The following KDM5C variants were observed in gnomAD, a reference collection of about 807,000 sequenced individuals.
KDM5C encodes lysine-specific demethylase 5C.
KDM5C carries 16 observed loss-of-function variants against 110.6 expected under a neutral mutation model. The ratio of observed to expected loss-of-function variants is 0.14; its 90% confidence interval spans 0.10 to 0.22. The LOEUF (loss-of-function observed/expected upper bound fraction) is 0.22, where lower values mean the gene tolerates loss of function less well. Among genes scored for constraint, KDM5C ranks in the 10% least tolerant of loss-of-function variants. The pLI, the probability that KDM5C is intolerant of heterozygous loss-of-function variation, is 1.00. For missense variants in KDM5C, 681 were observed against 1,300.9 expected, an observed-to-expected ratio of 0.52 and a Z score of 7.33; for synonymous variants, 511 against 520.4, an observed-to-expected ratio of 0.98 and a Z score of 0.24.
chrX:53,190,224 T>G (rs781963452), downstream of KDM5C, among the ~76,000 whole-genome samples: 1 of 112,619 alleles, frequency 8.9e-6, no homozygotes, highest in South Asian at 3.7e-4. Context: ...TGGAAGAGGT[T>G]AGATTTGATC....
rs1253451272 is a variant in KDM5C at position 53,195,042 on chromosome X, G to A, written c.3327C>T (p.Gly1109=). 3 of 1,207,268 alleles carry A rather than the reference G, an allele frequency of 2.5e-6. No homozygotes were observed. The African/African-American group carries it at 5.2e-5, about 21-fold the overall frequency. ...ACCGGCTGCGCTTGGTGCTGTCTGAGCCGGCATCTGCACATGGGCAGAGAA... is the reference window on the plus strand; with the variant it reads ...ACCGGCTGCGCTTGGTGCTGTCTGAACCGGCATCTGCACATGGGCAGAGAA... ...LEVLCPCADA[G]SDSTKRSRWM... Residue 1109 remains glycine, a synonymous_variant, in exon 22 of 26, where the codon GGC becomes GGT. Transcript: ENST00000375401.
chrX:53,215,307 A>C, intron 7 of KDM5C: 1 of 318,010 alleles, frequency 3.1e-6, no homozygotes, highest in Middle Eastern at 4.6e-4. Flanking sequence ...CCTGAAGGCA[A>C]AACAAAACAT....
In KDM5C at chrX:53,215,886, A is replaced by G; in HGVS notation, c.872T>C (p.Phe291Ser). ...ACTCAGCTCCTCCTTGCTCTCCAGG[A>G]AGGTCTTAGGCGATGTTGACTCCAC... ...VKVESTSPKTFLESKEELSHS... is the reference protein window; with the variant it reads ...VKVESTSPKTSLESKEELSHS... Residue 291 changes from phenylalanine to serine, a missense_variant, in exon 7 of 26, where the codon TTC becomes TCC. By Grantham distance (155) the Phe-to-Ser change is radical (BLOSUM62 -2). Transcript: ENST00000375401. 8.3e-7 allele frequency: 1 copy of G among 1,211,209 alleles called. No homozygotes were observed.
downstream of KDM5C, among the ~76,000 whole-genome samples, chrX:53,187,765 C>T (rs782356588): frequency 3.7e-4 from 37 of 100,077 alleles, no homozygotes; most frequent in African/African-American, 1.3e-3. Context: ...AAATAATTTT[C>T]TTTTTTTTTT....
Position 53,207,264 on chromosome X carries a change from TTTAAC to T in KDM5C, c.1746+3145_1746+3149del, listed in dbSNP as rs782756254. ...GTAAAATTAAGTTAAATATATTTTA[TTTAAC>T]TTAACATATCCACAATATTACCATT... On this transcript the variant is annotated intron_variant, in intron 12 of 25. Transcript: ENST00000375401. Among the ~76,000 whole-genome samples the T allele has an allele frequency of 1.8e-3, 195 of 111,023 alleles. 1 individual carries two copies. Among genetic ancestry groups the T allele is most frequent in the Non-Finnish European group, 2.3e-3 (124 of 52,967 alleles).
In KDM5C at chrX:53,210,870, G is replaced by C; in HGVS notation, c.1402-13C>G. 1 of 1,202,127 alleles carries C rather than the reference G, an allele frequency of 8.3e-7. No individual in the cohort carries two copies. The highest frequency in any genetic ancestry group is 1.1e-6 in the Non-Finnish European group (1 of 886,801). On this transcript the variant is annotated splice_polypyrimidine_tract_variant and intron_variant, in intron 10 of 25. Coordinates refer to ENST00000375401, the MANE Select transcript of KDM5C (RefSeq NM_004187.5). ...TGGTAGCATACTCCTGCCAGGTCAG[G>C]TATTTGTAAAAAGGGCATGAGGGTT... is the stretch of plus-strand genomic sequence containing the variant.
At chrX:53,197,317 CTTTA>C (rs1267901672) in intron 18 of KDM5C, among the ~76,000 whole-genome samples, 2 of 111,556 alleles carry the variant, frequency 1.8e-5, no homozygotes, top group African/African-American at 3.3e-5. Context: ...TTAATCTATG[CTTTA>C]TTTAACTTTT....
Position 53,197,034 on chromosome X carries a change from T to C in KDM5C, c.2633A>G (p.Glu878Gly). 8.4e-7 allele frequency: 1 copy of C among 1,186,476 alleles called. No individual in the cohort carries two copies. ...HQIGDVKGVL[E>G]QVEAYQAEAR... is the part of the protein sequence containing the mutation. The stretch of plus-strand genomic sequence containing the variant: ...CTCAGCCTGGTAGGCCTCCACCTGT[T>C]CCAGAACACCCTACCAGGACACAGG... Residue 878 changes from glutamate (E) to glycine (G), a missense_variant, in exon 19 of 26, where the codon GAA becomes GGA. Physicochemically the swap from Glu to Gly is moderately conservative, Grantham distance 98. Around this residue, in one of 14 missense-constraint regions of KDM5C, gnomAD observed 123 missense variants for 169.0 expected, o/e 0.73. Coordinates refer to ENST00000375401, the MANE Select transcript of KDM5C (RefSeq NM_004187.5).
intron 3 of KDM5C, 36 bp downstream of exon 3, chrX:53,218,240 T>A (rs377218942): frequency 2.4e-5 from 29 of 1,208,541 alleles, no homozygotes; most frequent in Non-Finnish European, 3.0e-5. Context: ...TATTGGGGTT[T>A]GGTGGGAGGG....
intron 10 of KDM5C, among the ~76,000 whole-genome samples, 155 bp downstream of exon 10, chrX:53,211,342 G>A (rs1370824184): frequency 8.9e-6 from 1 of 112,148 alleles, no homozygotes; most frequent in Non-Finnish European, 1.9e-5. Context: ...GTACATGCCA[G>A]GTACCAGACT....
At chrX:53,216,425 A>G (rs1233455417) in intron 5 of KDM5C, among the ~76,000 whole-genome samples, 12 of 112,200 alleles carry the variant, frequency 1.1e-4, no homozygotes, top group Non-Finnish European at 2.1e-4. Context: ...CAGTTTTCCC[A>G]ACTGTAAAAT....
rs782034482 is a variant in KDM5C, at chrX:53,194,529, C to G, written c.3648G>C (p.Val1216=). Residue 1216 remains valine, a synonymous_variant, in exon 23 of 26, where the codon GTG becomes GTC. Coordinates refer to ENST00000375401, the MANE Select transcript of KDM5C (RefSeq NM_004187.5). ...QDWFHGRCVS[V]PRLLSSPRPN... ...GCCTCGGAGAGCTGAGGAGGCGAGG[C>G]ACTGACACACACCGCCCATGGAACC... is the stretch of plus-strand genomic sequence containing the variant. 8.3e-7 allele frequency: 1 copy of G among 1,209,984 alleles called. No homozygotes were observed. Among genetic ancestry groups the G allele is most frequent in the Non-Finnish European group, 1.1e-6 (1 of 894,950 alleles).
At chrX:53,217,298 A>G (rs2146947925) in intron 4 of KDM5C, 21 bp from the exon 5 acceptor site, 1 of 1,209,899 alleles carries the variant, frequency 8.3e-7, no homozygotes, top group Non-Finnish European at 1.1e-6. Flanking sequence ...GTAAGGGGTA[A>G]GGGTCAGGAC....
At chrX:53,189,869 T>A (rs781893975), downstream of KDM5C, among the ~76,000 whole-genome samples, 16 of 111,809 alleles carry the variant, frequency 1.4e-4, no homozygotes, top group East Asian at 4.0e-3. Context: ...AGACACCAGG[T>A]AAGGCACAGG....
chrX:53,192,973 C>A lies in KDM5C; in HGVS notation c.4677G>T (p.Gln1559His). 8.6e-7 allele frequency: 1 copy of A among 1,159,331 alleles called. No homozygotes were observed. Residue 1559 changes from glutamine (Q) to histidine (H), a missense_variant, in exon 26 of 26, where the codon CAG (glutamine) becomes CAT (histidine). Gln to His is a conservative substitution (Grantham distance 24, BLOSUM62 0). Around this residue, in one of 14 missense-constraint regions of KDM5C, gnomAD observed 115 missense variants for 120.9 expected, o/e 0.95. Transcript: ENST00000375401. ...GTGCTAGGCTCAGCCACTGTCACAA[C>A]TGTTGCTGAGGCGGCTGCTGTGGGC... is the stretch of plus-strand genomic sequence containing the variant. ...LPCPQQPPQQ[Q>H]L is the part of the protein sequence containing the mutation.
chrX:53,224,399 G>A (rs1556855973), intron 1 of KDM5C, among the ~76,000 whole-genome samples: 1 of 111,847 alleles, frequency 8.9e-6, no homozygotes, highest in African/African-American at 3.3e-5. Context: ...TTGGAGAAAC[G>A]TCTTATTTTT....
At chrX:53,220,476 A>G (rs1214153267) in intron 2 of KDM5C, among the ~76,000 whole-genome samples, 3 of 112,484 alleles carry the variant, frequency 2.7e-5, no homozygotes, top group Non-Finnish European at 5.6e-5. Context: ...ATGAAGCCAC[A>G]TTCAGCTGGC....
In KDM5C at chrX:53,198,835, C is replaced by A. The variant is rs782046190; in HGVS notation, c.2297G>T (p.Arg766Leu). ...GGCCCAGGTGTCAAAGGACTCAGCCCGAACCTTCAGCTTATGCAGCATGGC... is the reference window on the plus strand; with the variant it reads ...GGCCCAGGTGTCAAAGGACTCAGCCAGAACCTTCAGCTTATGCAGCATGGC... ...LPAMLHKLKV[R>L]AESFDTWANK... Residue 766 changes from arginine to leucine, a missense_variant, in exon 16 of 26, where the codon CGG becomes CTG. Coordinates refer to ENST00000375401, the MANE Select transcript of KDM5C (RefSeq NM_004187.5). The A allele has an allele frequency of 8.3e-7, 1 of 1,210,710 alleles. No homozygotes were observed. The highest frequency in any genetic ancestry group is 1.1e-6 in the Non-Finnish European group (1 of 895,355).
intron 19 of KDM5C, 113 bp downstream of exon 19, chrX:53,196,573 C>T (rs186926178): frequency 3.8e-5 from 23 of 599,275 alleles, no homozygotes; most frequent in Non-Finnish European, 3.3e-5. Flanking sequence ...AGAGTCAATA[C>T]AGTAACACAG....
Sources: gnomAD v4.1 joint callset for allele counts (sites outside exome capture counted in the v4.1 genomes callset) on GRCh38, gnomAD v4.1.1 for gene constraint, gnomAD v4.1.1 regional missense constraint, MANE v1.5 for transcripts, NCBI Gene and HGNC (gene_info 2026-07-23, HGNC 2026-07-21) for gene names.